The following CPED1 variants were observed in gnomAD, a reference collection of about 807,000 sequenced individuals.
CPED1 encodes cadherin-like and PC-esterase domain-containing protein 1.
Under a neutral mutation model 128.2 loss-of-function variants are expected in CPED1, and 114 were observed. That is an observed-to-expected ratio of 0.89 (90% CI 0.76 to 1.04). The LOEUF (loss-of-function observed/expected upper bound fraction) is 1.04. Among genes scored for constraint, CPED1 ranks in the 50% least tolerant of loss-of-function variants. The pLI, the probability that CPED1 is intolerant of heterozygous loss-of-function variation, is 0.00. For missense variants in CPED1, 1,211 were observed against 1,207.1 expected (o/e 1.00, Z -0.05); for synonymous variants, 462 against 426.7 (o/e 1.08, Z -1.02).
chr7:121,172,762 A>G (rs1796682525), intron 16 of CPED1, among the ~76,000 whole-genome samples: 1 of 151,968 alleles, frequency 6.6e-6, no homozygotes, highest in Non-Finnish European at 1.5e-5. Context: ...TAATTCTGCT[A>G]AAAAAGTCAG....
intron 16 of CPED1, among the ~76,000 whole-genome samples, chr7:121,232,708 A>G (rs1798165497): frequency 6.6e-6 from 1 of 152,008 alleles, no homozygotes; most frequent in East Asian, 1.9e-4. Context: ...TTGCTAACTT[A>G]CTGGAAATGG....
intron 5 of CPED1, among the ~76,000 whole-genome samples, chr7:121,082,952 T>C (rs1794329910): frequency 6.6e-6 from 1 of 152,222 alleles, no homozygotes; most frequent in Non-Finnish European, 1.5e-5. Flanking sequence ...TTATTTATAA[T>C]AATATTTATG....
intron 16 of CPED1, among the ~76,000 whole-genome samples, chr7:121,150,233 A>G (rs6950680): frequency 0.32 from 47,708 of 149,594 alleles, 8,104 homozygotes; most frequent in Middle Eastern, 0.48. Context: ...AGTATTGTCT[A>G]TCATTGCCAT....
chr7:121,223,865 C>A (rs1797942202), intron 16 of CPED1, among the ~76,000 whole-genome samples: 2 of 150,958 alleles, frequency 1.3e-5, no homozygotes, highest in Non-Finnish European at 1.5e-5. Context: ...TTTTATTAGT[C>A]TTGCTAGCAG....
intron 2 of CPED1, among the ~76,000 whole-genome samples, chr7:121,006,931 G>A (rs1221495508): frequency 2.0e-5 from 3 of 152,064 alleles, no homozygotes; most frequent in South Asian, 4.1e-4. Flanking sequence ...AAGAGTATAG[G>A]TTCCTTCACA....
chr7:121,132,178 A>G (rs1203894835), intron 12 of CPED1, among the ~76,000 whole-genome samples: 1 of 152,070 alleles, frequency 6.6e-6, no homozygotes, highest in Non-Finnish European at 1.5e-5. Context: ...ATGAGGATGC[A>G]TGTTATATAC....
chr7:121,115,446 G>T (rs1462081342), intron 7 of CPED1, among the ~76,000 whole-genome samples: 1 of 152,112 alleles, frequency 6.6e-6, no homozygotes, highest in Non-Finnish European at 1.5e-5. Context: ...AACCAGAACT[G>T]ATTTTTTTTA....
In CPED1 at chr7:121,116,941, ACTCTCTCT is replaced by A. The variant is rs200040453; in HGVS notation, c.919-7375_919-7368del. Among the ~76,000 whole-genome samples, 168 of 129,500 alleles carry A rather than the reference ACTCTCTCT, an allele frequency of 1.3e-3. No individual in the cohort carries two copies. In the East Asian group the frequency reaches 0.019, roughly 15 times the overall value. 85.0% of individuals were successfully genotyped at this position (129,500 alleles called of 152,430 possible). ...GATTATTATTAAATACAACATAGAA[ACTCTCTCT>A]CTCTCTCTCTCTCTATATATATATA... On this transcript the variant is annotated intron_variant, in intron 7 of 22. Transcript: ENST00000310396.
intron 4 of CPED1, chr7:121,051,564 T>C: frequency 7.6e-6 from 3 of 393,840 alleles, no homozygotes; most frequent in South Asian, 5.9e-5. Context: ...CAGTCCTGCA[T>C]TTAATGTCTT....
chr7:121,183,924 C>T (rs1465048632), intron 16 of CPED1, among the ~76,000 whole-genome samples: 1 of 151,982 alleles, frequency 6.6e-6, no homozygotes, highest in Non-Finnish European at 1.5e-5. Context: ...CAGATTACTT[C>T]AGGCCAGGAA....
At chr7:121,090,416 A>G (rs1794544178) in intron 5 of CPED1, among the ~76,000 whole-genome samples, 1 of 152,202 alleles carries the variant, frequency 6.6e-6, no homozygotes, top group African/African-American at 2.4e-5. Context: ...GGTTTGTTGT[A>G]CACTGATATG....
chr7:121,037,795 G>A (rs1028351850), intron 3 of CPED1, among the ~76,000 whole-genome samples: 14 of 152,048 alleles, frequency 9.2e-5, no homozygotes, highest in African/African-American at 2.9e-4. Flanking sequence ...ATTTGTTTAT[G>A]TCATCTATGA....
chr7:121,095,332 C>T (rs1018620314), intron 5 of CPED1, among the ~76,000 whole-genome samples: 1 of 151,992 alleles, frequency 6.6e-6, no homozygotes, highest in Admixed American at 6.6e-5. Flanking sequence ...TAAATGATAG[C>T]CTAGGACACT....
At chr7:121,061,283 AAT>A in intron 4 of CPED1, 1 of 622,554 alleles carries the variant, frequency 1.6e-6, no homozygotes, top group Non-Finnish European at 2.0e-6. Flanking sequence ...CTAGGGTTTA[AAT>A]ATTATTATCA....
chr7:121,289,425 C>G (rs112358786), intron 22 of CPED1, among the ~76,000 whole-genome samples: 1 of 152,038 alleles, frequency 6.6e-6, no homozygotes, highest in African/African-American at 2.4e-5. Context: ...TCCTATAATT[C>G]CTCTACCAAA....
At chr7:121,227,024 A>G (rs1798030262) in intron 16 of CPED1, among the ~76,000 whole-genome samples, 1 of 152,082 alleles carries the variant, frequency 6.6e-6, no homozygotes, top group South Asian at 2.1e-4. Context: ...AGAACCACAA[A>G]CACAAAATTC....
chr7:121,107,501 A>G (rs953048373), intron 7 of CPED1, among the ~76,000 whole-genome samples: 1 of 152,138 alleles, frequency 6.6e-6, no homozygotes, highest in Non-Finnish European at 1.5e-5. Context: ...CGATTCAGGG[A>G]GAGAGAAATG....
At chr7:121,251,612 G>A (rs1798674784) in intron 18 of CPED1, among the ~76,000 whole-genome samples, 1 of 152,174 alleles carries the variant, frequency 6.6e-6, no homozygotes, top group Admixed American at 6.5e-5. Flanking sequence ...AGCAACTACA[G>A]CAAAGTCTCA....
intron 2 of CPED1, among the ~76,000 whole-genome samples, chr7:120,997,518 T>G (rs905434973): frequency 3.3e-5 from 5 of 152,326 alleles, no homozygotes; most frequent in Middle Eastern, 3.4e-3. Context: ...TAAACTCCAG[T>G]ACCTCAGAAT....
Sources: allele counts gnomAD v4.1 joint callset (sites outside exome capture counted in the v4.1 genomes callset), GRCh38; gene constraint gnomAD v4.1.1; transcripts MANE v1.5; gene names NCBI Gene and HGNC (gene_info 2026-07-23, HGNC 2026-07-21).